JARID2: variants seen among roughly 807,000 people sequenced by gnomAD.
JARID2 encodes jumonji and AT-rich interaction domain containing 2.
Under a neutral mutation model 125.6 loss-of-function variants are expected in JARID2, and 21 were observed. The observed-to-expected ratio is 0.17, with a 90% CI of 0.12 to 0.24. The LOEUF (loss-of-function observed/expected upper bound fraction) is 0.24. JARID2 is among the 10% of genes least tolerant of loss of function. JARID2 has a pLI of 1.00. For synonymous variants in JARID2, 736 were observed against 661.6 expected (o/e 1.11, Z -1.73); for missense variants, 1,303 against 1,639.6 (o/e 0.79, Z 3.55).
At position 15,520,365 on chromosome 6, in the gene JARID2, T is replaced by A; in HGVS notation, c.*114T>A. 1 of 799,020 alleles carries A rather than the reference T, an allele frequency of 1.3e-6. No homozygotes were observed. The highest frequency in any genetic ancestry group is 1.8e-6 in the Non-Finnish European group (1 of 542,594). The allele number at this position is 799,020 out of a possible 1,614,324, so 49.5% of individuals were successfully genotyped here. A position where few individuals can be genotyped will look rare whatever the true frequency, so the allele number is the denominator to read the frequency against. On this transcript the variant is annotated 3_prime_UTR_variant, in exon 18 of 18. Coordinates refer to ENST00000341776, the MANE Select transcript of JARID2 (RefSeq NM_004973.4). ...CTTTGCACTAGCTCTAAAGAAGATTTTCTTCTGGTTTTAGAGAACTAATTT... is the reference window on the plus strand; with the variant it reads ...CTTTGCACTAGCTCTAAAGAAGATTATCTTCTGGTTTTAGAGAACTAATTT...
chr6:15,298,238 T>G (rs1397879680), intron 1 of JARID2, among the ~76,000 whole-genome samples: 1 of 152,228 alleles, frequency 6.6e-6, no homozygotes, highest in Non-Finnish European at 1.5e-5. Flanking sequence ...TCCGCTCTCC[T>G]ATGCTTGCAA....
intron 2 of JARID2, among the ~76,000 whole-genome samples, chr6:15,380,784 A>G (rs1764551639): frequency 6.6e-6 from 1 of 152,184 alleles, no homozygotes. Flanking sequence ...CCGACTGTGA[A>G]TTCATTGTTA....
chr6:15,364,670 GTAACAC>G (rs1458766487), intron 1 of JARID2, among the ~76,000 whole-genome samples: 2 of 152,202 alleles, frequency 1.3e-5, no homozygotes, highest in Admixed American at 1.3e-4. Flanking sequence ...GGTAAATGGA[GTAACAC>G]ATAAGGCACA....
chr6:15,477,135 A>G (rs1302708056), intron 5 of JARID2, among the ~76,000 whole-genome samples: 3 of 151,860 alleles, frequency 2.0e-5, no homozygotes, highest in Non-Finnish European at 4.4e-5. Flanking sequence ...ATGTCATTGG[A>G]CTCCCAGCTG....
chr6:15,318,694 G>A (rs1042987648), intron 1 of JARID2, among the ~76,000 whole-genome samples: 4 of 152,190 alleles, frequency 2.6e-5, no homozygotes, highest in African/African-American at 9.7e-5. Flanking sequence ...TTTCAGGACT[G>A]GCTTGTCTCA....
chr6:15,260,132 C>T (rs1759815743), intron 1 of JARID2, among the ~76,000 whole-genome samples: 2 of 152,122 alleles, frequency 1.3e-5, no homozygotes, highest in African/African-American at 2.4e-5. Context: ...ATTACATCTT[C>T]GAGTGGCAGA....
At position 15,468,575 on chromosome 6, in the gene JARID2, T is replaced by A. The variant is rs1441241038; in HGVS notation, c.527T>A (p.Phe176Tyr). The change falls in exon 5 of 18, where the codon TTT becomes TAT. Residue 176 changes from phenylalanine to tyrosine, a missense_variant. Coordinates refer to ENST00000341776, the MANE Select transcript of JARID2 (RefSeq NM_004973.4). ...GCGCTGCCCAACAGCATGGTGTATT[T>A]TGGAAGCTCTCAGGATGAGGAGGAA... ...SPALPNSMVYFGSSQDEEEVE... is the reference protein window; with the variant it reads ...SPALPNSMVYYGSSQDEEEVE... 33 of 1,613,944 alleles carry A rather than the reference T, an allele frequency of 2.0e-5. No individual in the cohort carries two copies. The highest frequency in any genetic ancestry group is 2.6e-5 in the Non-Finnish European group (31 of 1,179,984).
chr6:15,259,587 GCTT>G (rs1353707791), intron 1 of JARID2, among the ~76,000 whole-genome samples: 1 of 152,174 alleles, frequency 6.6e-6, no homozygotes, highest in African/African-American at 2.4e-5. Context: ...GGTGGACTTG[GCTT>G]CTTAATCTTT....
At chr6:15,249,010 C>T (rs981940689) in intron 1 of JARID2, 34 of 956,612 alleles carry the variant, frequency 3.6e-5, no homozygotes, top group African/African-American at 5.3e-5. Flanking sequence ...GCCACTGGAC[C>T]CTGTTCTGAT....
intron 7 of JARID2, among the ~76,000 whole-genome samples, chr6:15,497,659 A>AT (rs1025413818): frequency 6.6e-6 from 1 of 151,442 alleles, no homozygotes; most frequent in African/African-American, 2.4e-5. Context: ...TCAAAAAAAA[A>AT]AAAAAAGTAT....
intron 3 of JARID2, 46 bp from the exon 4 acceptor site, chr6:15,451,960 T>G: frequency 1.3e-6 from 2 of 1,593,590 alleles, no homozygotes; most frequent in South Asian, 2.2e-5. Context: ...GCCTATATCC[T>G]CCAGTCTCTG....
intron 1 of JARID2, among the ~76,000 whole-genome samples, chr6:15,271,821 G>A (rs1294060116): frequency 1.3e-5 from 2 of 152,218 alleles, no homozygotes; most frequent in Non-Finnish European, 2.9e-5. Flanking sequence ...CCAACATGGT[G>A]AAACCCCATC....
chr6:15,335,907 A>G (rs551152596), intron 1 of JARID2, among the ~76,000 whole-genome samples: 1 of 151,910 alleles, frequency 6.6e-6, no homozygotes, highest in Admixed American at 6.5e-5. Flanking sequence ...TCTGGGCAAA[A>G]CCCCATCTCT....
chr6:15,327,528 AGT>A (rs10577382), intron 1 of JARID2, among the ~76,000 whole-genome samples: 112,705 of 149,246 alleles, frequency 0.76, 42,551 homozygotes, highest in Admixed American at 0.82. Flanking sequence ...ATTCTGGAAG[AGT>A]GTGTGTGTGT....
chr6:15,252,403 C>A (rs1759491811), intron 1 of JARID2, among the ~76,000 whole-genome samples: 1 of 152,096 alleles, frequency 6.6e-6, no homozygotes, highest in African/African-American at 2.4e-5. Context: ...GTGCTTCCAA[C>A]TGTGTTTAGC....
At chr6:15,399,427 A>G (rs1765339507) in intron 2 of JARID2, among the ~76,000 whole-genome samples, 1 of 152,190 alleles carries the variant, frequency 6.6e-6, no homozygotes, top group South Asian at 2.1e-4. Flanking sequence ...ATGTATAATT[A>G]TGATTTTAAA....
chr6:15,381,341 CAAA>C (rs11358363), intron 2 of JARID2, among the ~76,000 whole-genome samples: 118 of 92,944 alleles, frequency 1.3e-3, no homozygotes, highest in African/African-American at 4.4e-3. Flanking sequence ...ACTCCTGTCT[CAAA>C]AAAAAAAAAA....
intron 1 of JARID2, among the ~76,000 whole-genome samples, chr6:15,362,733 G>A (rs1395750544): frequency 6.6e-6 from 1 of 152,184 alleles, no homozygotes; most frequent in South Asian, 2.1e-4. Flanking sequence ...CAGCGTGGCT[G>A]TGTTTGTAGA....
rs71897623 is a variant in JARID2, at chr6:15,469,304, G to GTCTCTC, written c.670+594_670+599dup. Among the ~76,000 whole-genome samples, 414 of 55,850 alleles carry GTCTCTC rather than the reference G, an allele frequency of 7.4e-3. 8 individuals are homozygous for GTCTCTC. The highest frequency in any genetic ancestry group is 0.034 in the African/African-American group (372 of 11,004). The allele number at this position is 55,850 out of a possible 152,430, so 36.6% of individuals were successfully genotyped here. ...TCTCTGTCTCTGTCTCTCTGTCTCTGTCTCTCTCTCTCTGTCTCTCTCTCT... is the reference window on the plus strand; with the variant it reads ...TCTCTGTCTCTGTCTCTCTGTCTCTGTCTCTCTCTCTCTCTCTCTGTCTCTCTCTCT... On this transcript the variant is annotated intron_variant, in intron 5 of 17. Coordinates refer to ENST00000341776, the MANE Select transcript of JARID2 (RefSeq NM_004973.4).
Sources: allele counts gnomAD v4.1 joint callset (sites outside exome capture counted in the v4.1 genomes callset), GRCh38; gene constraint gnomAD v4.1.1; transcripts MANE v1.5; gene names NCBI Gene and HGNC (gene_info 2026-07-23, HGNC 2026-07-21).